Variants in INTS3 observed in about 807,000 individuals in gnomAD.
The protein encoded by INTS3 is integrator complex subunit 3, also known as SOSS complex subunit A.
A neutral mutation model predicts 146.3 loss-of-function variants in INTS3; 34 were observed. That is an observed-to-expected ratio of 0.23 (90% CI 0.18 to 0.31). The LOEUF (loss-of-function observed/expected upper bound fraction) is 0.31. INTS3 is among the 10% of genes least tolerant of loss of function. The pLI is 1.00. For missense variants in INTS3, 757 were observed against 1,304.2 expected (o/e 0.58, Z 6.46); for synonymous variants, 475 against 494.9 (o/e 0.96, Z 0.53).
chr1:153,734,680 A>G (rs1671222486), intron 1 of INTS3, among the ~76,000 whole-genome samples: 1 of 152,212 alleles, frequency 6.6e-6, no homozygotes, highest in Non-Finnish European at 1.5e-5. Flanking sequence ...AGGCTCAGCT[A>G]GCCCTTTGTG....
At chr1:153,760,055 A>C in intron 11 of INTS3, 1 of 560,118 alleles carries the variant, frequency 1.8e-6, no homozygotes, top group South Asian at 2.3e-5. Flanking sequence ...TTGACATCCC[A>C]TTTTATGGAG....
At chr1:153,750,938 A>G (rs768012544) in intron 6 of INTS3, 157 bp from the exon 7 acceptor site, 3 of 646,740 alleles carry the variant, frequency 4.6e-6, no homozygotes, top group Non-Finnish European at 5.2e-6. Context: ...CAAGATAGAT[A>G]CTAGCATGAG....
chr1:153,741,205 A>G, intron 2 of INTS3, 80 bp from the exon 3 acceptor site: 1 of 997,824 alleles, frequency 1.0e-6, no homozygotes. Flanking sequence ...TAGGAGTCCC[A>G]TGTTTTCTGG....
At chr1:153,739,157 G>A (rs571761611) in intron 1 of INTS3, among the ~76,000 whole-genome samples, 2 of 152,142 alleles carry the variant, frequency 1.3e-5, no homozygotes, top group Admixed American at 6.6e-5. Flanking sequence ...GCCACCTGCC[G>A]GGTTCAAGTG....
In INTS3 at chr1:153,772,328, A is replaced by C. The variant is rs1570889362; in HGVS notation, c.2721-12A>C. 2 of 1,611,980 alleles carry C rather than the reference A, an allele frequency of 1.2e-6. No individual in the cohort carries two copies. The highest frequency in any genetic ancestry group is 4.5e-5 in the East Asian group (2 of 44,836). On this transcript the variant is annotated splice_polypyrimidine_tract_variant and intron_variant, in intron 26 of 29. Transcript: ENST00000318967. The surrounding 1 kb of genome is among the most constrained non-coding windows in gnomAD (Gnocchi z 4.6). ...CCACACTCAGACTCTGGCTCTGGTGATTCCTGCACAGCCTGAGGAGCTCTA... is the reference window on the plus strand; with the variant it reads ...CCACACTCAGACTCTGGCTCTGGTGCTTCCTGCACAGCCTGAGGAGCTCTA...
intron 1 of INTS3, among the ~76,000 whole-genome samples, chr1:153,736,735 C>A (rs1259008007): frequency 6.9e-6 from 1 of 144,550 alleles, no homozygotes; most frequent in Non-Finnish European, 1.5e-5. Flanking sequence ...CGTGAGCCAC[C>A]GCGCCCAGTC....
intron 3 of INTS3, among the ~76,000 whole-genome samples, chr1:153,745,532 T>C (rs1671697031): frequency 6.6e-6 from 1 of 152,064 alleles, no homozygotes; most frequent in Admixed American, 6.6e-5. Context: ...GGAAGCTACC[T>C]GCCTAGTTTC....
intron 25 of INTS3, among the ~76,000 whole-genome samples, chr1:153,770,952 C>G (rs550704420): frequency 1.1e-4 from 17 of 152,246 alleles, no homozygotes; most frequent in Middle Eastern, 3.4e-3. Flanking sequence ...GAGCTGCCCT[C>G]GGAGGTGGGG....
chr1:153,747,384 A>G (rs751504942), intron 5 of INTS3, 21 bp downstream of exon 5: 25 of 1,585,156 alleles, frequency 1.6e-5, no homozygotes, highest in Non-Finnish European at 2.1e-5. Flanking sequence ...TGGCAGGAGC[A>G]TAAAGAAGAA....
At chr1:153,741,456 A>C in intron 3 of INTS3, 88 bp downstream of exon 3, 2 of 976,962 alleles carry the variant, frequency 2.0e-6, no homozygotes, top group Admixed American at 3.5e-5. Flanking sequence ...GGTAGTATGA[A>C]ACTCTTCGAC....
chr1:153,749,590 C>T (rs1033676396), intron 6 of INTS3, among the ~76,000 whole-genome samples: 1 of 152,226 alleles, frequency 6.6e-6, no homozygotes, highest in Non-Finnish European at 1.5e-5. Context: ...TGTGCAGTGC[C>T]ACCTAGTGCT....
intron 8 of INTS3, among the ~76,000 whole-genome samples, chr1:153,753,546 ACT>A (rs1243650651): frequency 6.6e-6 from 1 of 150,530 alleles, no homozygotes; most frequent in Non-Finnish European, 1.5e-5. Context: ...ACAGAGTGAG[ACT>A]CTGTCCCAAA....
chr1:153,747,139 G>A (rs1282725164), intron 4 of INTS3, 69 bp downstream of exon 4: 40 of 1,346,284 alleles, frequency 3.0e-5, no homozygotes, highest in East Asian at 6.9e-5. Flanking sequence ...TGTCAGGAAC[G>A]GGAAAGAGGA....
chr1:153,736,164 C>T (rs1236412769), intron 1 of INTS3, among the ~76,000 whole-genome samples: 1 of 152,196 alleles, frequency 6.6e-6, no homozygotes, highest in African/African-American at 2.4e-5. Context: ...AGAATCATAG[C>T]TCAGCCTTCA....
chr1:153,770,446 GCT>G, intron 24 of INTS3, 135 bp downstream of exon 24: 1 of 729,462 alleles, frequency 1.4e-6, no homozygotes, highest in Middle Eastern at 3.5e-4. Context: ...ACAAGGGCAG[GCT>G]CTCTGTCAGC....
rs2101838499 is a variant in INTS3, at chr1:153,774,637, C to G, written c.*1367C>G. On this transcript the variant is annotated 3_prime_UTR_variant, in exon 30 of 30. Transcript: ENST00000318967. ...AGGAGTGAAGTTTGGGCGAACTGCACAGAGCTGCTCCTCTTCACCCCGAAA... is the reference window on the plus strand; with the variant it reads ...AGGAGTGAAGTTTGGGCGAACTGCAGAGAGCTGCTCCTCTTCACCCCGAAA... 1 of 168,670 alleles carries G rather than the reference C, an allele frequency of 5.9e-6. No homozygotes were observed. The highest frequency in any genetic ancestry group is 1.3e-4 in the South Asian group (1 of 7,828). 10.4% of individuals were successfully genotyped at this position (168,670 alleles called of 1,614,324 possible). A position where few individuals can be genotyped will look rare whatever the true frequency, so the allele number is the denominator to read the frequency against.
intron 3 of INTS3, among the ~76,000 whole-genome samples, chr1:153,744,033 A>ATGTGTGTGTGTGTGTGTGTG (rs1385828293): frequency 9.8e-6 from 1 of 102,282 alleles, no homozygotes; most frequent in African/African-American, 3.9e-5. Flanking sequence ...GAGGGTGTGC[A>ATGTGTGTGTGTGTGTGTGTG]TGTGCGTGTG....
chr1:153,739,387 G>T (rs184359739), intron 1 of INTS3, among the ~76,000 whole-genome samples: 23 of 147,566 alleles, frequency 1.6e-4, no homozygotes, highest in Non-Finnish European at 3.1e-4. Context: ...TTGTTGCCCA[G>T]GCTGGAGTGC....
At chr1:153,755,249 GT>G (rs11436546) in intron 9 of INTS3, among the ~76,000 whole-genome samples, 9 of 147,360 alleles carry the variant, frequency 6.1e-5, no homozygotes, top group East Asian at 2.0e-4. Flanking sequence ...AATTTGTGGG[GT>G]TTTTTTTTTG....
Sources: allele counts gnomAD v4.1 joint callset (sites outside exome capture counted in the v4.1 genomes callset), GRCh38; gene constraint gnomAD v4.1.1; non-coding constraint Gnocchi (gnomAD v3.1); transcripts MANE v1.5; gene names NCBI Gene and HGNC (gene_info 2026-07-23, HGNC 2026-07-21).